The following ANKRD28 variants were observed in gnomAD, a reference collection of about 807,000 sequenced individuals.
ANKRD28 encodes ankyrin repeat domain 28, also known as serine/threonine-protein phosphatase 6 regulatory ankyrin repeat subunit A.
In ANKRD28, 44 loss-of-function variants were observed where a neutral mutation model predicts 126.5. The observed-to-expected ratio is 0.35, with a 90% CI of 0.27 to 0.45. ANKRD28 has a LOEUF of 0.45. Among genes scored for constraint, ANKRD28 ranks in the 20% least tolerant of loss-of-function variants. ANKRD28 has a pLI of 1.00. For synonymous variants in ANKRD28, 442 were observed against 468.5 expected (o/e 0.94, Z 0.73); for missense variants, 1,110 against 1,316.6 (o/e 0.84, Z 2.43).
chr3:15,752,467 T>C (rs1270640783), intron 3 of ANKRD28, among the ~76,000 whole-genome samples: 1 of 152,140 alleles, frequency 6.6e-6, no homozygotes, highest in Non-Finnish European at 1.5e-5. Flanking sequence ...TTAACCTTAA[T>C]AGAATGCAAA....
At chr3:15,822,487 A>C (rs1483996023) in intron 1 of ANKRD28, among the ~76,000 whole-genome samples, 3 of 152,234 alleles carry the variant, frequency 2.0e-5, no homozygotes, top group Non-Finnish European at 1.5e-5. Flanking sequence ...GGAGGGGGAA[A>C]CATTGGCTCT....
chr3:15,768,464 T>G (rs978925322), intron 2 of ANKRD28, among the ~76,000 whole-genome samples: 1 of 152,078 alleles, frequency 6.6e-6, no homozygotes, highest in Non-Finnish European at 1.5e-5. Flanking sequence ...CTGGGCAATA[T>G]AGTGAGACCT....
At chr3:15,820,329 T>G (rs925374516) in intron 1 of ANKRD28, among the ~76,000 whole-genome samples, 4 of 152,188 alleles carry the variant, frequency 2.6e-5, no homozygotes, top group Non-Finnish European at 5.9e-5. Context: ...TACCTGACAG[T>G]CTTTCTTAAA....
chr3:15,858,088 C>A (rs534770335), intron 1 of ANKRD28, among the ~76,000 whole-genome samples: 2 of 152,320 alleles, frequency 1.3e-5, no homozygotes, highest in South Asian at 4.1e-4. Context: ...GATAAATGTT[C>A]TATGTCTGTC....
intron 13 of ANKRD28, among the ~76,000 whole-genome samples, chr3:15,708,295 C>T (rs914289756): frequency 2.0e-5 from 3 of 152,122 alleles, no homozygotes; most frequent in Admixed American, 2.0e-4. Flanking sequence ...TATTTCATCG[C>T]CTCCAGGCAG....
chr3:15,771,935 A>C (rs897581072), intron 2 of ANKRD28, among the ~76,000 whole-genome samples: 2 of 152,224 alleles, frequency 1.3e-5, no homozygotes, highest in Non-Finnish European at 2.9e-5. Flanking sequence ...GATTCAAAGC[A>C]TATTTCAGTA....
chr3:15,826,761 C>G (rs115288847), intron 1 of ANKRD28, among the ~76,000 whole-genome samples: 3 of 151,940 alleles, frequency 2.0e-5, no homozygotes, highest in Admixed American at 6.6e-5. Flanking sequence ...ACTGAAATGG[C>G]GGCAAAATTG....
chr3:15,722,116 C>T (rs544300379), intron 7 of ANKRD28, among the ~76,000 whole-genome samples: 2 of 152,204 alleles, frequency 1.3e-5, no homozygotes, highest in East Asian at 3.9e-4. Context: ...CTGACCTCTC[C>T]CAAAGAGAGG....
At chr3:15,737,421 A>G (rs1320166209) in intron 4 of ANKRD28, among the ~76,000 whole-genome samples, 188 bp from the exon 5 acceptor site, 1 of 137,110 alleles carries the variant, frequency 7.3e-6, no homozygotes, top group African/African-American at 2.7e-5. Context: ...ATGTAAAGCG[A>G]TACTGAGAGT....
chr3:15,694,575 T>A (rs2125873690), intron 17 of ANKRD28, among the ~76,000 whole-genome samples, 164 bp downstream of exon 17: 1 of 151,698 alleles, frequency 6.6e-6, no homozygotes, highest in East Asian at 1.9e-4. Context: ...ACCCAGCACA[T>A]TAAGTAATTC....
At chr3:15,840,958 T>G (rs1324492569) in intron 1 of ANKRD28, among the ~76,000 whole-genome samples, 6 of 152,062 alleles carry the variant, frequency 3.9e-5, no homozygotes, top group African/African-American at 1.2e-4. Flanking sequence ...CTGGCCAAAA[T>G]GGCAAAACAC....
upstream of ANKRD28, chr3:15,797,991 C>T (rs538148929): frequency 2.1e-5 from 21 of 985,304 alleles, no homozygotes; most frequent in Admixed American, 6.2e-4. Context: ...AGCTACTTCT[C>T]GGGATGTAAC....
At chr3:15,841,117 C>A (rs2061417357) in intron 1 of ANKRD28, among the ~76,000 whole-genome samples, 1 of 152,070 alleles carries the variant, frequency 6.6e-6, no homozygotes. Context: ...CCAGCCTAGG[C>A]AACAGAGCAA....
At chr3:15,673,052 T>C (rs1467780279) in intron 27 of ANKRD28, among the ~76,000 whole-genome samples, 4 of 152,174 alleles carry the variant, frequency 2.6e-5, no homozygotes, top group African/African-American at 9.7e-5. Flanking sequence ...GCTAGGACCA[T>C]AGGCATGGGC....
chr3:15,674,447 G>C (rs2066728595), intron 27 of ANKRD28, among the ~76,000 whole-genome samples: 1 of 152,148 alleles, frequency 6.6e-6, no homozygotes. Flanking sequence ...ATGCTGTGGG[G>C]AGAGTAGGTC....
Position 15,836,487 on chromosome 3 carries a change from G to A in ANKRD28, c.27+22890C>T, listed in dbSNP as rs192249878. 2.9e-3 allele frequency among the ~76,000 whole-genome samples: 439 copies of A among 152,182 alleles called. 1 individual carries two copies. The highest frequency in any genetic ancestry group is 9.9e-3 in the African/African-American group (412 of 41,570). ...AGATACAAATCCAACCATTTCAAAA[G>A]TAATATTAAATATAAAAGGATTAAA... On this transcript the variant is annotated intron_variant, in intron 1 of 27. Coordinates refer to the ANKRD28 transcript ENST00000399451.
chr3:15,696,093 A>G (rs2069509060), intron 15 of ANKRD28, 41 bp downstream of exon 15: 2 of 1,304,824 alleles, frequency 1.5e-6, no homozygotes, highest in Admixed American at 2.1e-5. Context: ...ATTAGACTAT[A>G]AACTCCCATT....
chr3:15,859,479 T>C (rs2061858475), exon 1 of ANKRD28: 3 of 1,350,390 alleles, frequency 2.2e-6, no homozygotes, highest in Non-Finnish European at 3.0e-6. Context: ...GGCCCACTGC[T>C]CCCGCCCCAG....
rs143376047 is a variant in ANKRD28 at position 15,697,139 on chromosome 3, G to A, written c.1548-894C>T. Among the ~76,000 whole-genome samples the A allele has an allele frequency of 4.1e-3, 619 of 152,276 alleles. 1 individual carries two copies. Among genetic ancestry groups the A allele is most frequent in the East Asian group, 0.023 (118 of 5,182 alleles). On this transcript the variant is annotated intron_variant, in intron 14 of 27. Transcript: ENST00000683139. ...AGAAAGGAACAAAATAATAGCATTT[G>A]CAGCAACCTGGAGTTGGAGATCATT...
Sources: allele counts gnomAD v4.1 joint callset (sites outside exome capture counted in the v4.1 genomes callset), GRCh38; gene constraint gnomAD v4.1.1; transcripts MANE v1.5; gene names NCBI Gene and HGNC (gene_info 2026-07-23, HGNC 2026-07-21).